The following EPHB1 variants were observed in gnomAD, a reference collection of about 807,000 sequenced individuals.
EPHB1 encodes ephrin type-B receptor 1.
In EPHB1, 30 loss-of-function variants were observed where a neutral mutation model predicts 94.4. The observed-to-expected ratio is 0.32, with a 90% CI of 0.24 to 0.43. The LOEUF (loss-of-function observed/expected upper bound fraction) is 0.43, where lower values mean the gene tolerates loss of function less well. Among genes scored for constraint, EPHB1 ranks in the 20% least tolerant of loss-of-function variants. The pLI, the probability that EPHB1 is intolerant of heterozygous loss-of-function variation, is 1.00. For synonymous variants in EPHB1, 522 were observed against 489.1 expected, an observed-to-expected ratio of 1.07 and a Z score of -0.89; for missense variants, 1,055 against 1,308.3, an observed-to-expected ratio of 0.81 and a Z score of 2.99.
chr3:134,855,090 T>G (rs1368104580), intron 1 of EPHB1, among the ~76,000 whole-genome samples: 1 of 152,208 alleles, frequency 6.6e-6, no homozygotes, highest in Non-Finnish European at 1.5e-5. Flanking sequence ...TTATCCGTGG[T>G]GTTTAGCAAC....
At chr3:134,827,937 A>G (rs1160805373) in intron 1 of EPHB1, among the ~76,000 whole-genome samples, 1 of 151,824 alleles carries the variant, frequency 6.6e-6, no homozygotes. Flanking sequence ...CAGATGGGCA[A>G]TCCTCTCTCC....
intron 12 of EPHB1, among the ~76,000 whole-genome samples, chr3:135,238,367 C>A (rs1943704944): frequency 1.3e-5 from 2 of 152,168 alleles, no homozygotes; most frequent in African/African-American, 4.8e-5. Context: ...GCGGTGACAG[C>A]CCAAGCTCAG....
At position 135,256,977 on chromosome 3, in the gene EPHB1, T is replaced by C. The variant is rs566290623; in HGVS notation, c.2847-2035T>C. Among the ~76,000 whole-genome samples the C allele has an allele frequency of 2.0e-4, 28 of 143,018 alleles. No individual in the cohort carries two copies. The East Asian group carries it at 3.4e-3, about 17-fold the overall frequency. The allele number at this position is 143,018 out of a possible 152,430, so 93.8% of individuals were successfully genotyped here. Reference sequence around the variant, plus strand: ...TTCATTTCATTCATTTCATCTTCCATTGCTGATACCCTTTCTTCCAGTTGA... The same window carrying C: ...TTCATTTCATTCATTTCATCTTCCACTGCTGATACCCTTTCTTCCAGTTGA... On this transcript the variant is annotated intron_variant, in intron 15 of 15. Coordinates refer to ENST00000398015, the MANE Select transcript of EPHB1 (RefSeq NM_004441.5).
intron 3 of EPHB1, among the ~76,000 whole-genome samples, chr3:135,085,259 A>G (rs1374847903): frequency 6.6e-6 from 1 of 152,214 alleles, no homozygotes; most frequent in Non-Finnish European, 1.5e-5. Context: ...AGGAATTCCT[A>G]AAGGGAAGCT....
At chr3:135,217,009 G>T (rs1943163844) in intron 12 of EPHB1, among the ~76,000 whole-genome samples, 1 of 152,102 alleles carries the variant, frequency 6.6e-6, no homozygotes, top group Non-Finnish European at 1.5e-5. Flanking sequence ...TCTTTTCTCG[G>T]CAGGGAACTT....
At chr3:134,932,003 A>G (rs1578207274) in intron 2 of EPHB1, among the ~76,000 whole-genome samples, 1 of 151,480 alleles carries the variant, frequency 6.6e-6, no homozygotes, top group South Asian at 2.1e-4. Context: ...GTGTGTCTGC[A>G]CACATATGCT....
intron 3 of EPHB1, among the ~76,000 whole-genome samples, chr3:135,099,747 C>G (rs1234181983): frequency 2.0e-5 from 3 of 152,212 alleles, no homozygotes; most frequent in African/African-American, 7.2e-5. Context: ...GTTTGCATGA[C>G]CCACAGGAAT....
At chr3:135,006,371 GA>G (rs751655753) in intron 3 of EPHB1, among the ~76,000 whole-genome samples, 8 of 152,214 alleles carry the variant, frequency 5.3e-5, no homozygotes, top group Non-Finnish European at 8.8e-5. Flanking sequence ...TGTTGGGGAT[GA>G]TGAAAATGTT....
At chr3:135,082,905 G>A (rs1339790988) in intron 3 of EPHB1, among the ~76,000 whole-genome samples, 1 of 152,196 alleles carries the variant, frequency 6.6e-6, no homozygotes, top group African/African-American at 2.4e-5. Context: ...TGAGCAGACA[G>A]TCATACCCAG....
intron 3 of EPHB1, among the ~76,000 whole-genome samples, chr3:134,965,149 G>C (rs981604165): frequency 1.3e-5 from 2 of 152,100 alleles, no homozygotes; most frequent in Non-Finnish European, 2.9e-5. Context: ...AGCATTCTTT[G>C]CTTCCTTCAC....
Position 135,192,769 on chromosome 3 carries a change from T to TC in EPHB1, c.2076_2077insC (p.Val693ArgfsTer21). ...AGGGTGTGGTCACCAAGAGTCGGCC[T>TC]GTCATGATCATCACAGAGTTCATGG... On this transcript the variant is annotated frameshift_variant, in exon 11 of 16. Transcript: ENST00000398015. LOFTEE classifies it high-confidence loss of function. The TC allele has an allele frequency of 6.2e-7, 1 of 1,614,206 alleles. No homozygotes were observed. The highest frequency in any genetic ancestry group is 8.5e-7 in the Non-Finnish European group (1 of 1,180,034).
chr3:134,834,066 GA>G (rs887282389), intron 1 of EPHB1, among the ~76,000 whole-genome samples: 1 of 151,888 alleles, frequency 6.6e-6, no homozygotes, highest in Non-Finnish European at 1.5e-5. Flanking sequence ...GGGTGTGGTG[GA>G]AAAAAAGACT....
At chr3:135,015,226 G>A (rs1452709546) in intron 3 of EPHB1, among the ~76,000 whole-genome samples, 1 of 151,616 alleles carries the variant, frequency 6.6e-6, no homozygotes, top group Non-Finnish European at 1.5e-5. Flanking sequence ...TCTCAGTGCT[G>A]TCCAGTTGTC....
chr3:135,148,902 T>G (rs1941101072), intron 5 of EPHB1, among the ~76,000 whole-genome samples: 1 of 152,232 alleles, frequency 6.6e-6, no homozygotes, highest in African/African-American at 2.4e-5. Flanking sequence ...CCTTTTATTG[T>G]TGGCTATAAC....
At chr3:135,135,318 G>T (rs140801951) in intron 5 of EPHB1, among the ~76,000 whole-genome samples, 1 of 152,284 alleles carries the variant, frequency 6.6e-6, no homozygotes, top group East Asian at 1.9e-4. Flanking sequence ...GAGGAACAGG[G>T]TGCCATCGCA....
chr3:135,221,666 T>C (rs1252532343), intron 12 of EPHB1, among the ~76,000 whole-genome samples: 6 of 152,190 alleles, frequency 3.9e-5, no homozygotes, highest in Non-Finnish European at 8.8e-5. Flanking sequence ...TACCAGTTGT[T>C]AACTTGGAGT....
At chr3:135,192,502 C>G (rs1450878099) in intron 10 of EPHB1, 74 bp from the exon 11 acceptor site, 1 of 1,549,762 alleles carries the variant, frequency 6.5e-7, no homozygotes, top group African/African-American at 1.4e-5. Flanking sequence ...CCATTGTTCT[C>G]CATTAGATGA....
chr3:135,223,962 A>G (rs919424041), intron 12 of EPHB1, among the ~76,000 whole-genome samples: 6 of 152,216 alleles, frequency 3.9e-5, no homozygotes, highest in Admixed American at 2.0e-4. Context: ...TGTGCCATAT[A>G]ATGATGTTTT....
chr3:135,122,031 A>G (rs1185430693), intron 4 of EPHB1, among the ~76,000 whole-genome samples: 2 of 151,960 alleles, frequency 1.3e-5, no homozygotes, highest in African/African-American at 2.4e-5. Flanking sequence ...GGCCATCTCC[A>G]GGCTCAGGGG....
Sources: gnomAD v4.1 joint callset for allele counts (sites outside exome capture counted in the v4.1 genomes callset) on GRCh38, gnomAD v4.1.1 for gene constraint, MANE v1.5 for transcripts, NCBI Gene and HGNC (gene_info 2026-07-23, HGNC 2026-07-21) for gene names.